The following CACNA2D1 variants were observed in gnomAD, a reference collection of about 807,000 sequenced individuals.
CACNA2D1 encodes the protein calcium voltage-gated channel auxiliary subunit alpha2delta 1.
Under a neutral mutation model 171.5 loss-of-function variants are expected in CACNA2D1, and 53 were observed. That is an observed-to-expected ratio of 0.31 (90% CI 0.25 to 0.39). CACNA2D1 has a LOEUF of 0.39. Among genes scored for constraint, CACNA2D1 ranks in the 10% least tolerant of loss-of-function variants. CACNA2D1 has a pLI of 1.00. For missense variants in CACNA2D1, 903 were observed against 1,299.8 expected (o/e 0.69, Z 4.69); for synonymous variants, 442 against 443.1 (o/e 1.00, Z 0.03).
chr7:82,043,190 T>C (rs1397482756), intron 10 of CACNA2D1, among the ~76,000 whole-genome samples: 1 of 152,178 alleles, frequency 6.6e-6, no homozygotes. Context: ...AGTAGATGAA[T>C]TGCATCTTAG....
intron 30 of CACNA2D1, 66 bp from the exon 31 acceptor site, chr7:81,967,273 T>TG: frequency 8.3e-7 from 1 of 1,209,910 alleles, no homozygotes; most frequent in Non-Finnish European, 1.2e-6. Context: ...ATTATTACCA[T>TG]GTTATAATTA....
intron 10 of CACNA2D1, among the ~76,000 whole-genome samples, chr7:82,043,533 A>G (rs1237026855): frequency 6.6e-6 from 1 of 152,330 alleles, no homozygotes; most frequent in South Asian, 2.1e-4. Flanking sequence ...AACTATGATC[A>G]ATGCATTTCA....
chr7:82,313,381 A>G (rs935827191), intron 3 of CACNA2D1, among the ~76,000 whole-genome samples: 4 of 152,202 alleles, frequency 2.6e-5, no homozygotes, highest in African/African-American at 9.7e-5. Flanking sequence ...TAAGATTTGC[A>G]TCTGTTGAGA....
At position 82,397,479 on chromosome 7, in the gene CACNA2D1, A is replaced by T. The variant is rs143857154; in HGVS notation, c.95+45886T>A. On this transcript the variant is annotated intron_variant, in intron 1 of 38. Transcript: ENST00000356860. Reference sequence around the variant, plus strand: ...GTTTATGAAAGTATTTTTATATTGCAAGTGATTATTCTTAACAATATTCAT... The same window carrying T: ...GTTTATGAAAGTATTTTTATATTGCTAGTGATTATTCTTAACAATATTCAT... Among the ~76,000 whole-genome samples the T allele has an allele frequency of 7.7e-3, 1,166 of 152,196 alleles. 19 individuals are homozygous for T. Among genetic ancestry groups the T allele is most frequent in the African/African-American group, 0.024 (994 of 41,502 alleles).
chr7:82,205,535 TAAAG>T (rs755296177), intron 3 of CACNA2D1, among the ~76,000 whole-genome samples: 2 of 143,704 alleles, frequency 1.4e-5, no homozygotes, highest in Middle Eastern at 7.4e-3. Context: ...ACAGATAAAA[TAAAG>T]AAATTACCTT....
intron 1 of CACNA2D1, 41 bp downstream of exon 1, chr7:82,443,324 C>A: frequency 6.4e-7 from 1 of 1,569,566 alleles, no homozygotes; most frequent in Non-Finnish European, 8.6e-7. Context: ...ACTCCCGCGG[C>A]GCCCCTCGGC....
At chr7:82,274,844 A>G (rs1411170684) in intron 3 of CACNA2D1, among the ~76,000 whole-genome samples, 2 of 140,000 alleles carry the variant, frequency 1.4e-5, no homozygotes, top group African/African-American at 5.6e-5. Context: ...TATGTGTTCA[A>G]TACAGGTATT....
Position 82,031,466 on chromosome 7 carries a change from A to T in CACNA2D1, c.1143+1331T>A, listed in dbSNP as rs189776695. Among the ~76,000 whole-genome samples the T allele has an allele frequency of 1.7e-4, 26 of 152,042 alleles. No individual in the cohort carries two copies. In the East Asian group the frequency reaches 2.1e-3, roughly 12 times the overall value. ...TATTAACAGCTCAGTTCATTTATCA[A>T]CTTTTCAAAAGTGGTTCCTCTATGC... On this transcript the variant is annotated intron_variant, in intron 12 of 38. Coordinates refer to ENST00000356860, the MANE Select transcript of CACNA2D1 (RefSeq NM_000722.4).
chr7:82,117,259 A>AT, intron 5 of CACNA2D1, 86 bp from the exon 6 acceptor site: 1 of 1,297,076 alleles, frequency 7.7e-7, no homozygotes, highest in Non-Finnish European at 1.1e-6. Context: ...CCAAATGCAT[A>AT]TTTTTCAAAA....
intron 7 of CACNA2D1, among the ~76,000 whole-genome samples, 200 bp from the exon 8 acceptor site, chr7:82,066,724 T>A (rs1807674742): frequency 6.6e-6 from 1 of 152,148 alleles, no homozygotes; most frequent in Non-Finnish European, 1.5e-5. Context: ...AGGAAATCAA[T>A]GATAGTCGAT....
chr7:82,186,031 C>A (rs75597212), intron 3 of CACNA2D1, among the ~76,000 whole-genome samples: 2,388 of 151,930 alleles, frequency 0.016, 77 homozygotes, highest in African/African-American at 0.053. Flanking sequence ...GTGGTATACA[C>A]CTGTAATCTC....
At chr7:82,023,106 C>G (rs1264725475) in intron 12 of CACNA2D1, among the ~76,000 whole-genome samples, 1 of 151,696 alleles carries the variant, frequency 6.6e-6, no homozygotes, top group Non-Finnish European at 1.5e-5. Context: ...AACTCTGTGT[C>G]TGGTTTTACT....
intron 6 of CACNA2D1, among the ~76,000 whole-genome samples, chr7:82,112,167 C>G: frequency 6.6e-6 from 1 of 152,162 alleles, no homozygotes; most frequent in Admixed American, 6.5e-5. Flanking sequence ...CTACCCTACA[C>G]ATATTAATCA....
At chr7:81,969,184 G>A (rs758030974) in intron 28 of CACNA2D1, among the ~76,000 whole-genome samples, 13 of 151,194 alleles carry the variant, frequency 8.6e-5, no homozygotes, top group Non-Finnish European at 1.5e-4. Flanking sequence ...TAATTGATTC[G>A]GGGACATTAA....
intron 3 of CACNA2D1, among the ~76,000 whole-genome samples, chr7:82,236,314 A>G (rs558154022): frequency 6.6e-6 from 1 of 152,226 alleles, no homozygotes; most frequent in Admixed American, 6.5e-5. Flanking sequence ...GGCTCAGTCC[A>G]TTCCAATGGA....
intron 2 of CACNA2D1, among the ~76,000 whole-genome samples, chr7:82,342,053 CAAAAAAAA>C (rs60799157): frequency 4.6e-5 from 3 of 65,492 alleles, no homozygotes; most frequent in Non-Finnish European, 5.8e-5. Context: ...GACTCCGTCT[CAAAAAAAA>C]AAAAAAAAAA....
At position 81,968,917 on chromosome 7, in the gene CACNA2D1, A is replaced by G; in HGVS notation, c.2365T>C (p.Tyr789His). ...GIMVSKAVEI[Y>H]IQGKLLKPAV... ...GGTTTAAGAAGTTTCCCTTGAATAT[A>G]TATTTCTACAGCTTTGCTTACCATA... Residue 789 changes from tyrosine to histidine, a missense_variant, in exon 29 of 39, where the codon TAT becomes CAT. By Grantham distance (83) the Tyr-to-His change is moderately conservative (BLOSUM62 2). This residue lies in a region of CACNA2D1 where 623 missense variants were observed against 925.5 expected (regional missense o/e 0.67). Transcript: ENST00000356860. The G allele has an allele frequency of 1.3e-6, 2 of 1,587,440 alleles. No homozygotes were observed. The highest frequency in any genetic ancestry group is 1.7e-6 in the Non-Finnish European group (2 of 1,157,548).
At chr7:82,244,932 C>A (rs1273341797) in intron 3 of CACNA2D1, among the ~76,000 whole-genome samples, 1 of 152,120 alleles carries the variant, frequency 6.6e-6, no homozygotes, top group Non-Finnish European at 1.5e-5. Flanking sequence ...AACACAACTA[C>A]TAGTATTATT....
chr7:81,967,251 G>T, intron 30 of CACNA2D1, 44 bp from the exon 31 acceptor site: 1 of 1,485,936 alleles, frequency 6.7e-7, no homozygotes, highest in Non-Finnish European at 9.4e-7. Context: ...TTAAAAGTTG[G>T]ATTTTAATTA....
Sources: allele counts gnomAD v4.1 joint callset (sites outside exome capture counted in the v4.1 genomes callset), GRCh38; gene constraint gnomAD v4.1.1; regional missense constraint gnomAD v4.1.1; transcripts MANE v1.5; gene names NCBI Gene and HGNC (gene_info 2026-07-23, HGNC 2026-07-21).